KALRN: variants seen among roughly 807,000 people sequenced by gnomAD.
KALRN encodes the protein kalirin RhoGEF kinase.
In KALRN, 70 loss-of-function variants were observed where a neutral mutation model predicts 353.7. The observed-to-expected ratio is 0.20, with a 90% CI of 0.16 to 0.24. KALRN has a LOEUF of 0.24. KALRN is among the 10% of genes least tolerant of loss of function. The pLI is 1.00. For missense variants in KALRN, 2,791 were observed against 3,756.7 expected, an observed-to-expected ratio of 0.74 and a Z score of 6.72; for synonymous variants, 1,391 against 1,434.8, an observed-to-expected ratio of 0.97 and a Z score of 0.69.
chr3:124,345,416 T>A (rs933496480), intron 9 of KALRN, among the ~76,000 whole-genome samples: 1 of 152,198 alleles, frequency 6.6e-6, no homozygotes. Flanking sequence ...TCCTGATTTT[T>A]TTTGGTTGAA....
intron 6 of KALRN, among the ~76,000 whole-genome samples, chr3:124,309,566 C>T (rs1435025537): frequency 6.6e-6 from 1 of 151,662 alleles, no homozygotes; most frequent in African/African-American, 2.4e-5. Flanking sequence ...ATCTTTAAAA[C>T]AAACAAAAAG....
chr3:124,537,776 G>A (rs756870070), intron 33 of KALRN, among the ~76,000 whole-genome samples: 2 of 152,204 alleles, frequency 1.3e-5, no homozygotes, highest in African/African-American at 2.4e-5. Context: ...AGGTTGATCT[G>A]AGAAACCTTA....
intron 34 of KALRN, among the ~76,000 whole-genome samples, chr3:124,607,342 A>G (rs1364615626): frequency 6.6e-6 from 1 of 152,230 alleles, no homozygotes. Flanking sequence ...CTGTGTGTCT[A>G]TGTGGGTGAA....
rs1484078303 is a variant in KALRN at position 124,446,082 on chromosome 3, C to T, written c.3314-79C>T. On this transcript the variant is annotated intron_variant, in intron 19 of 59. Coordinates refer to ENST00000682506, the MANE Select transcript of KALRN (RefSeq NM_001388419.1). ...AAATCACAGTCATGGTCACCTGGCA[C>T]CTGGGCCGTGGGGCTGAAGGGGTTG... The T allele has an allele frequency of 9.6e-6, 8 of 836,102 alleles. No homozygotes were observed. In the East Asian group the frequency reaches 9.9e-5, roughly 10 times the overall value. 51.8% of individuals were successfully genotyped at this position (836,102 alleles called of 1,614,324 possible). A position where few individuals can be genotyped will look rare whatever the true frequency, so the allele number is the denominator to read the frequency against.
chr3:124,141,761 C>A lies in KALRN; in HGVS notation c.74-86229C>A, dbSNP rs1354793979. Among the ~76,000 whole-genome samples, 5 of 152,236 alleles carry A rather than the reference C, an allele frequency of 3.3e-5. No homozygotes were observed. The East Asian group carries it at 9.6e-4, about 29-fold the overall frequency. ...CACAGCCTGTCTTTGCCCCAGGAAT[C>A]TGCCCTTGTTAATCCTGGCTATTTT... is the stretch of plus-strand genomic sequence containing the variant. On this transcript the variant is annotated intron_variant, in intron 1 of 59. Transcript: ENST00000682506.
intron 3 of KALRN, among the ~76,000 whole-genome samples, chr3:124,237,051 C>A (rs2079866412): frequency 6.6e-6 from 1 of 152,206 alleles, no homozygotes; most frequent in African/African-American, 2.4e-5. Context: ...CTTCCTAATT[C>A]TCTTGGCTAC....
chr3:124,333,208 A>C (rs1188332058), intron 8 of KALRN, among the ~76,000 whole-genome samples: 1 of 152,308 alleles, frequency 6.6e-6, no homozygotes, highest in East Asian at 1.9e-4. Context: ...GGTCCCTCCC[A>C]CAACACGTGG....
Position 124,269,093 on chromosome 3 carries a change from C to T in KALRN, c.807C>T (p.Cys269=), listed in dbSNP as rs746149124. The change falls in exon 5 of 60, where the codon TGC becomes TGT. Residue 269 remains cysteine, a synonymous_variant. Coordinates refer to ENST00000682506, the MANE Select transcript of KALRN (RefSeq NM_001388419.1). ...GCGACGGCTTCTCAGGACGCAACTG[C>T]ATCCCGGGCAGTGCTGACTTCCAGA... ...RCSDGFSGRN[C]IPGSADFQSL... 6.2e-7 allele frequency: 1 copy of T among 1,612,846 alleles called. No homozygotes were observed. Among genetic ancestry groups the T allele is most frequent in the Non-Finnish European group, 8.5e-7 (1 of 1,179,616 alleles).
At chr3:124,558,052 G>A (rs895280941) in intron 33 of KALRN, among the ~76,000 whole-genome samples, 1 of 151,988 alleles carries the variant, frequency 6.6e-6, no homozygotes. Context: ...ATTTGAGGGA[G>A]GTCTGAGTCA....
At chr3:124,563,433 G>C (rs2109887426) in intron 34 of KALRN, among the ~76,000 whole-genome samples, 1 of 152,246 alleles carries the variant, frequency 6.6e-6, no homozygotes, top group East Asian at 1.9e-4. Context: ...ATATGGTTTA[G>C]ACTCATCCTT....
chr3:124,639,505 C>T (rs2081773343), intron 37 of KALRN, among the ~76,000 whole-genome samples: 1 of 152,112 alleles, frequency 6.6e-6, no homozygotes, highest in African/African-American at 2.4e-5. Context: ...TTTCCAGAGT[C>T]TATTTTTATA....
At chr3:124,119,654 C>T (rs960943519) in intron 1 of KALRN, among the ~76,000 whole-genome samples, 2 of 152,148 alleles carry the variant, frequency 1.3e-5, no homozygotes, top group African/African-American at 2.4e-5. Context: ...TCATTCAGAT[C>T]GGGTAGGACT....
chr3:124,336,621 G>A (rs946389024), intron 9 of KALRN, among the ~76,000 whole-genome samples: 2 of 152,118 alleles, frequency 1.3e-5, no homozygotes, highest in Admixed American at 1.3e-4. Context: ...GGGAACTGCT[G>A]TAATCTGACT....
chr3:124,317,286 G>C (rs1580877187), intron 6 of KALRN, among the ~76,000 whole-genome samples: 1 of 152,232 alleles, frequency 6.6e-6, no homozygotes, highest in Non-Finnish European at 1.5e-5. Context: ...AGCTGGGGCA[G>C]TAGGTGCTAA....
At chr3:124,175,819 G>C in intron 1 of KALRN, among the ~76,000 whole-genome samples, 1 of 152,278 alleles carries the variant, frequency 6.6e-6, no homozygotes, top group East Asian at 1.9e-4. Flanking sequence ...CTATTCTCTA[G>C]CTGTCCTCTC....
intron 10 of KALRN, among the ~76,000 whole-genome samples, chr3:124,368,326 G>A (rs1161392114): frequency 6.8e-6 from 1 of 148,124 alleles, no homozygotes; most frequent in Non-Finnish European, 1.5e-5. Context: ...CCGGGCGGAG[G>A]GGCTCCTCAT....
intron 1 of KALRN, among the ~76,000 whole-genome samples, chr3:124,038,706 A>G (rs145439324): frequency 1.3e-3 from 198 of 152,314 alleles, no homozygotes; most frequent in African/African-American, 4.6e-3. Context: ...GACATTTTCA[A>G]CTGAAGTGTT....
chr3:124,168,200 T>C (rs944067218), intron 1 of KALRN, among the ~76,000 whole-genome samples: 1 of 152,168 alleles, frequency 6.6e-6, no homozygotes, highest in African/African-American at 2.4e-5. Context: ...TAAGAGAAGA[T>C]GAAATGATAC....
intron 5 of KALRN, among the ~76,000 whole-genome samples, chr3:124,274,970 A>G (rs2074549668): frequency 6.6e-6 from 1 of 152,206 alleles, no homozygotes; most frequent in Non-Finnish European, 1.5e-5. Flanking sequence ...CTGGGGTGAC[A>G]CGTATCAATT....
Sources: allele counts gnomAD v4.1 joint callset (sites outside exome capture counted in the v4.1 genomes callset), GRCh38; gene constraint gnomAD v4.1.1; transcripts MANE v1.5; gene names NCBI Gene and HGNC (gene_info 2026-07-23, HGNC 2026-07-21).